Variants in XPO1 observed in about 807,000 individuals in gnomAD.
XPO1 encodes exportin 1, also known as exportin-1.
Under a neutral mutation model 133.3 loss-of-function variants are expected in XPO1, and 5 were observed. That is an observed-to-expected ratio of 0.04 (90% CI 0.02 to 0.08). The LOEUF (loss-of-function observed/expected upper bound fraction) is 0.08. XPO1 is among the 10% of genes least tolerant of loss of function. The probability of loss-of-function intolerance (pLI) is 1.00; values close to 1 mark genes in which losing one functional copy is unlikely to be tolerated. For synonymous variants in XPO1, 419 were observed against 408.2 expected (o/e 1.03, Z -0.32); for missense variants, 506 against 1,267.5 (o/e 0.40, Z 9.12).
intron 9 of XPO1, 132 bp from the exon 10 acceptor site, chr2:61,497,139 T>G: frequency 8.6e-7 from 1 of 1,165,336 alleles, no homozygotes; most frequent in South Asian, 1.8e-5. Context: ...GCCAAGTGAA[T>G]GAACATATTT....
rs183432909 is a variant in XPO1, at chr2:61,486,005, A to G, written c.2314-43T>C. On this transcript the variant is annotated intron_variant, in intron 19 of 24. Transcript: ENST00000401558. ...AAAAGTTATGTTTTAATTTAGGTACATGGTGACTATTTTAAACAACAAGGT... is the reference window on the plus strand; with the variant it reads ...AAAAGTTATGTTTTAATTTAGGTACGTGGTGACTATTTTAAACAACAAGGT... 30 of 1,520,290 alleles carry G rather than the reference A, an allele frequency of 2.0e-5. No homozygotes were observed. The East Asian group carries it at 6.4e-4, about 33-fold the overall frequency. The allele number at this position is 1,520,290 out of a possible 1,614,324, so 94.2% of individuals were successfully genotyped here.
At chr2:61,517,263 C>T (rs1184907679) in intron 4 of XPO1, among the ~76,000 whole-genome samples, 1 of 152,180 alleles carries the variant, frequency 6.6e-6, no homozygotes, top group African/African-American at 2.4e-5. Context: ...AAAGAATCAA[C>T]ACCACTGGCA....
At chr2:61,481,311 T>C (rs1372925870) in intron 23 of XPO1, 30 bp from the exon 24 acceptor site, 3 of 1,547,698 alleles carry the variant, frequency 1.9e-6, no homozygotes, top group East Asian at 2.3e-5. Flanking sequence ...GATTAAATAA[T>C]GATTTATTTT....
chr2:61,481,436 T>C (rs967021938), intron 23 of XPO1, among the ~76,000 whole-genome samples, 155 bp from the exon 24 acceptor site: 1 of 150,214 alleles, frequency 6.7e-6, no homozygotes, highest in Admixed American at 6.7e-5. Flanking sequence ...AGCGTCCCAA[T>C]AATGTTTTTT....
At chr2:61,526,707 T>A (rs1205225300) in intron 2 of XPO1, among the ~76,000 whole-genome samples, 186 bp from the exon 3 acceptor site, 2 of 27,584 alleles carry the variant, frequency 7.3e-5, no homozygotes, top group African/African-American at 9.3e-5. Context: ...TGACTCCCAA[T>A]TTTTTTTTTT....
chr2:61,486,693 G>C (rs1447340564), intron 19 of XPO1, among the ~76,000 whole-genome samples: 4 of 152,090 alleles, frequency 2.6e-5, no homozygotes, highest in African/African-American at 9.7e-5. Flanking sequence ...TCCTGACCTC[G>C]TGATCCACCC....
At position 61,479,448 on chromosome 2, in the gene XPO1, G is replaced by GC. The variant is rs770850337; in HGVS notation, c.3070-483dup. The stretch of plus-strand genomic sequence containing the variant: ...GCCTGGGTGATAAAAGCGAGACTGT[G>GC]CCCCCCCAAAAAAAACAAAAAAAAT... On this transcript the variant is annotated intron_variant, in intron 24 of 24. Coordinates refer to ENST00000401558, the MANE Select transcript of XPO1 (RefSeq NM_003400.4). 2.1e-3 allele frequency among the ~76,000 whole-genome samples: 252 copies of GC among 119,054 alleles called. 1 individual carries two copies. The highest frequency in any genetic ancestry group is 4.5e-3 in the Middle Eastern group (1 of 220). The allele number at this position is 119,054 out of a possible 152,430, so 78.1% of individuals were successfully genotyped here. A position where few individuals can be genotyped will look rare whatever the true frequency, so the allele number is the denominator to read the frequency against.
chr2:61,488,099 G>A, intron 19 of XPO1, 66 bp downstream of exon 19: 1 of 1,375,298 alleles, frequency 7.3e-7, no homozygotes, highest in Non-Finnish European at 1.0e-6. Flanking sequence ...ACATAATAGA[G>A]TATAGCATAT....
intron 4 of XPO1, among the ~76,000 whole-genome samples, chr2:61,520,237 G>A (rs150552218): frequency 9.7e-4 from 147 of 152,296 alleles, no homozygotes; most frequent in Non-Finnish European, 1.6e-3. Context: ...ATTAATTTAT[G>A]TAATTTCCAA....
intron 6 of XPO1, among the ~76,000 whole-genome samples, chr2:61,501,291 A>G (rs1211541040): frequency 6.6e-6 from 1 of 151,888 alleles, no homozygotes; most frequent in Non-Finnish European, 1.5e-5. Flanking sequence ...TAGAAAACAG[A>G]TAAACATAAA....
In XPO1 at chr2:61,482,059, C is replaced by CTTTTTTTTTTTTTTTTTTTTTTT. The variant is rs1273871116; in HGVS notation, c.2972+320_2972+321insAAAAAAAAAAAAAAAAAAAAAAA. Among the ~76,000 whole-genome samples, 131 of 41,070 alleles carry CTTTTTTTTTTTTTTTTTTTTTTT rather than the reference C, an allele frequency of 3.2e-3. 2 individuals carry two copies. The highest frequency in any genetic ancestry group is 3.7e-3 in the Non-Finnish European group (85 of 22,786). 26.9% of individuals were successfully genotyped at this position (41,070 alleles called of 152,430 possible). On this transcript the variant is annotated intron_variant, in intron 23 of 24. Coordinates refer to ENST00000401558, the MANE Select transcript of XPO1 (RefSeq NM_003400.4). ...CTTTTTTTTTTTTTTTTTTTTTTTG[C>CTTTTTTTTTTTTTTTTTTTTTTT]TTTTTTAAAGAGGCAGGGTCTCACT... is the stretch of plus-strand genomic sequence containing the variant.
chr2:61,526,820 G>A (rs564828736), intron 2 of XPO1, among the ~76,000 whole-genome samples: 1 of 150,642 alleles, frequency 6.6e-6, no homozygotes, highest in Non-Finnish European at 1.5e-5. Context: ...CGATTCTCCC[G>A]CCTCAGCCTC....
rs1265153512 is a variant in XPO1, at chr2:61,485,974, G to A, written c.2314-12C>T. 20 of 1,583,066 alleles carry A rather than the reference G, an allele frequency of 1.3e-5. No homozygotes were observed. The highest frequency in any genetic ancestry group is 1.7e-5 in the Non-Finnish European group (20 of 1,166,110). ...AAATTTTCAGCGACCTGTTGGGGAGGGAAAAAAAAGTTATGTTTTAATTTA... is the reference window on the plus strand; with the variant it reads ...AAATTTTCAGCGACCTGTTGGGGAGAGAAAAAAAAGTTATGTTTTAATTTA... On this transcript the variant is annotated splice_polypyrimidine_tract_variant and intron_variant, in intron 19 of 24. Transcript: ENST00000401558.
chr2:61,482,214 CT>C (rs548004205), intron 23 of XPO1, among the ~76,000 whole-genome samples, 165 bp downstream of exon 23: 2 of 147,340 alleles, frequency 1.4e-5, no homozygotes, highest in South Asian at 2.1e-4. Flanking sequence ...CTTCTGACTA[CT>C]TTTTTTTTTG....
intron 4 of XPO1, among the ~76,000 whole-genome samples, chr2:61,513,010 T>C (rs1698168716): frequency 1.3e-5 from 2 of 152,166 alleles, no homozygotes; most frequent in Non-Finnish European, 1.5e-5. Context: ...AATAAATATA[T>C]AAACCTTGAC....
chr2:61,512,583 A>G (rs994073253), intron 4 of XPO1, among the ~76,000 whole-genome samples: 3 of 152,230 alleles, frequency 2.0e-5, no homozygotes, highest in Non-Finnish European at 4.4e-5. Context: ...TTAGCAAGAA[A>G]TAATCAGGAA....
At chr2:61,524,575 G>C (rs1192365588) in intron 3 of XPO1, among the ~76,000 whole-genome samples, 8 of 152,136 alleles carry the variant, frequency 5.3e-5, no homozygotes, top group Non-Finnish European at 1.0e-4. Context: ...ATCTCTCCCA[G>C]ACATAAAGAC....
At chr2:61,486,214 A>G (rs1452641748) in intron 19 of XPO1, among the ~76,000 whole-genome samples, 1 of 151,818 alleles carries the variant, frequency 6.6e-6, no homozygotes, top group Non-Finnish European at 1.5e-5. Context: ...TCTCACTGTC[A>G]CTCAGACCAG....
intron 20 of XPO1, 68 bp from the exon 21 acceptor site, chr2:61,484,173 G>A (rs1696553371): frequency 2.2e-6 from 3 of 1,388,100 alleles, no homozygotes; most frequent in Non-Finnish European, 3.0e-6. Context: ...GAGGGGAAAA[G>A]CAAGGCTTAA....
Sources: gnomAD v4.1 joint callset for allele counts (sites outside exome capture counted in the v4.1 genomes callset) on GRCh38, gnomAD v4.1.1 for gene constraint, MANE v1.5 for transcripts, NCBI Gene and HGNC (gene_info 2026-07-23, HGNC 2026-07-21) for gene names.